The following WWC2 variants were observed in gnomAD, a reference collection of about 807,000 sequenced individuals.
WWC2 encodes the protein WW and C2 domain containing 2, also known as protein WWC2.
A neutral mutation model predicts 138.5 loss-of-function variants in WWC2; 101 were observed. The observed-to-expected ratio is 0.73, with a 90% CI of 0.62 to 0.86. The LOEUF (loss-of-function observed/expected upper bound fraction) is 0.86, where lower values mean the gene tolerates loss of function less well. Ranked by LOEUF, WWC2 falls within the 40% of genes least tolerant of loss-of-function variation. The pLI is 0.00. For missense variants in WWC2, 1,420 were observed against 1,419.4 expected, an observed-to-expected ratio of 1.00 and a Z score of -0.01; for synonymous variants, 558 against 538.4, an observed-to-expected ratio of 1.04 and a Z score of -0.50.
At chr4:183,261,634 C>A in intron 11 of WWC2, 102 bp downstream of exon 11, 1 of 1,330,986 alleles carries the variant, frequency 7.5e-7, no homozygotes, top group Non-Finnish European at 1.0e-6. Flanking sequence ...GATTCCCCTT[C>A]TCTTTCTTTT....
At chr4:183,112,061 G>GATATTTCTC (rs561062318) in intron 1 of WWC2, among the ~76,000 whole-genome samples, 40 of 152,244 alleles carry the variant, frequency 2.6e-4, no homozygotes, top group Non-Finnish European at 3.5e-4. Context: ...CATAGCTAAT[G>GATATTTCTC]ATATTTCTCA....
At chr4:183,168,574 G>A (rs1161791265) in intron 1 of WWC2, among the ~76,000 whole-genome samples, 1 of 152,072 alleles carries the variant, frequency 6.6e-6, no homozygotes, top group Non-Finnish European at 1.5e-5. Flanking sequence ...TTCCTATAGA[G>A]CTTTATTTTG....
chr4:183,154,458 A>C (rs1451359475), intron 1 of WWC2, among the ~76,000 whole-genome samples: 2 of 152,062 alleles, frequency 1.3e-5, no homozygotes, highest in Non-Finnish European at 2.9e-5. Flanking sequence ...TCTCGTGATG[A>C]CCCTCAAGCC....
At chr4:183,148,171 A>T (rs62336601) in intron 1 of WWC2, among the ~76,000 whole-genome samples, 7,115 of 152,292 alleles carry the variant, frequency 0.047, 232 homozygotes, top group Middle Eastern at 0.071. Flanking sequence ...TCATGGACAA[A>T]TACCTGACTT....
intron 4 of WWC2, among the ~76,000 whole-genome samples, chr4:183,233,285 T>C (rs888434784): frequency 3.4e-5 from 5 of 147,944 alleles, no homozygotes; most frequent in African/African-American, 1.2e-4. Context: ...GCCTCCCAAA[T>C]AGCTGGGATT....
chr4:183,149,235 C>G lies in WWC2; in HGVS notation c.132-44364C>G, dbSNP rs1579987890. 2.0e-5 allele frequency among the ~76,000 whole-genome samples: 3 copies of G among 152,302 alleles called. No homozygotes were observed. In the South Asian group the frequency reaches 6.2e-4, roughly 32 times the overall value. On this transcript the variant is annotated intron_variant, in intron 1 of 22. Transcript: ENST00000403733. ...TCCCCTTCTCATAAAAGTAATTATC[C>G]TGACCTTTATGGCAATCATTTCCTT...
chr4:183,117,828 C>T (rs1561422176), intron 1 of WWC2, among the ~76,000 whole-genome samples: 2 of 150,358 alleles, frequency 1.3e-5, no homozygotes, highest in African/African-American at 4.9e-5. Flanking sequence ...CGCTCTGTCG[C>T]CCAGGCTGGA....
At chr4:183,275,606 A>G (rs570118951) in intron 16 of WWC2, among the ~76,000 whole-genome samples, 1 of 152,248 alleles carries the variant, frequency 6.6e-6, no homozygotes, top group African/African-American at 2.4e-5. Context: ...TAATTTATTA[A>G]TTGATTTTCA....
intron 2 of WWC2, among the ~76,000 whole-genome samples, chr4:183,196,683 G>A (rs981395887): frequency 2.0e-5 from 3 of 152,166 alleles, no homozygotes; most frequent in Non-Finnish European, 4.4e-5. Context: ...AGGACCCTGT[G>A]CCTCCTCAGC....
intron 1 of WWC2, among the ~76,000 whole-genome samples, chr4:183,122,143 G>A (rs1430464854): frequency 3.3e-5 from 5 of 152,018 alleles, no homozygotes; most frequent in Non-Finnish European, 7.4e-5. Flanking sequence ...ATTTTTATTG[G>A]AAAGTTGCTA....
rs117630111 is a variant in WWC2 at position 183,120,984 on chromosome 4, A to G, written c.131+21362A>G. Among the ~76,000 whole-genome samples, 128 of 152,280 alleles carry G rather than the reference A, an allele frequency of 8.4e-4. 3 individuals are homozygous for G. The East Asian group carries it at 0.022, about 26-fold the overall frequency. ...ACGCCTTTGATCCCAGCACTTTGGGAGGCCGGCAGATCACTTGAGCCCAGG... is the reference window on the plus strand; with the variant it reads ...ACGCCTTTGATCCCAGCACTTTGGGGGGCCGGCAGATCACTTGAGCCCAGG... On this transcript the variant is annotated intron_variant, in intron 1 of 22. Coordinates refer to ENST00000403733, the MANE Select transcript of WWC2 (RefSeq NM_024949.6).
rs143013119 is a variant in WWC2, at chr4:183,317,375, A to G, written c.*1646A>G. ...CTTACATACAAATTTCTTTGAAGAC[A>G]TAACTGGACATGGCAGACACTGCTT... On this transcript the variant is annotated 3_prime_UTR_variant, in exon 23 of 23. Transcript: ENST00000403733. 2.0e-5 allele frequency: 3 copies of G among 152,738 alleles called. No individual in the cohort carries two copies. Among genetic ancestry groups the G allele is most frequent in the African/African-American group, 7.2e-5 (3 of 41,586 alleles). The allele number at this position is 152,738 out of a possible 1,614,324, so 9.5% of individuals were successfully genotyped here.
chr4:183,110,282 C>T lies in WWC2; in HGVS notation c.131+10660C>T, dbSNP rs1732192093. ...ACTGTTGGAAGTATATAGTATTATGCTTTGGTAGTTAGAAATACTGACTTT... is the reference window on the plus strand; with the variant it reads ...ACTGTTGGAAGTATATAGTATTATGTTTTGGTAGTTAGAAATACTGACTTT... On this transcript the variant is annotated intron_variant, in intron 1 of 22. Coordinates refer to ENST00000403733, the MANE Select transcript of WWC2 (RefSeq NM_024949.6). 2.0e-5 allele frequency among the ~76,000 whole-genome samples: 3 copies of T among 152,090 alleles called. No homozygotes were observed. The South Asian group carries it at 6.2e-4, about 32-fold the overall frequency.
intron 1 of WWC2, among the ~76,000 whole-genome samples, chr4:183,188,045 C>CA (rs1301092282): frequency 6.6e-6 from 1 of 152,064 alleles, no homozygotes; most frequent in Non-Finnish European, 1.5e-5. Flanking sequence ...TAGTATGTCA[C>CA]AAAATGATTT....
intron 4 of WWC2, among the ~76,000 whole-genome samples, chr4:183,218,068 A>G (rs1735806731): frequency 6.6e-6 from 1 of 152,202 alleles, no homozygotes; most frequent in African/African-American, 2.4e-5. Context: ...CATCAGAAAT[A>G]ATACAAACTA....
rs570932543 is a variant in WWC2 at position 183,117,782 on chromosome 4, T to C, written c.131+18160T>C. ...ACCATGCCCAGCCCGCAGACCTTGATTGGGGATCTTTTTTTTTTTTTTTGA... is the reference window on the plus strand; with the variant it reads ...ACCATGCCCAGCCCGCAGACCTTGACTGGGGATCTTTTTTTTTTTTTTTGA... On this transcript the variant is annotated intron_variant, in intron 1 of 22. Coordinates refer to ENST00000403733, the MANE Select transcript of WWC2 (RefSeq NM_024949.6). Among the ~76,000 whole-genome samples, 4 of 151,342 alleles carry C rather than the reference T, an allele frequency of 2.6e-5. No individual in the cohort carries two copies. The East Asian group carries it at 7.8e-4, about 30-fold the overall frequency.
At chr4:183,140,882 C>T (rs1733281159) in intron 1 of WWC2, among the ~76,000 whole-genome samples, 1 of 147,052 alleles carries the variant, frequency 6.8e-6, no homozygotes. Flanking sequence ...CTGATTTCCA[C>T]CAATCTGCTT....
rs1737443010 is a variant in WWC2 at position 183,264,883 on chromosome 4, T to C, written c.1910-95T>C. The C allele has an allele frequency of 3.2e-6, 4 of 1,264,912 alleles. No individual in the cohort carries two copies. In the South Asian group the frequency reaches 7.2e-5, roughly 23 times the overall value. The allele number at this position is 1,264,912 out of a possible 1,614,324, so 78.4% of individuals were successfully genotyped here. A position where few individuals can be genotyped will look rare whatever the true frequency, so the allele number is the denominator to read the frequency against. ...CCTTGACTCCCAGAAGGAAATCTTA[T>C]TTTGGATTGCTCATGACCAAACTAT... On this transcript the variant is annotated intron_variant, in intron 11 of 22. Transcript: ENST00000403733.
In WWC2 at chr4:183,235,542, A is replaced by G. The variant is rs150869099; in HGVS notation, c.523-4641A>G. On this transcript the variant is annotated intron_variant, in intron 4 of 22. Coordinates refer to ENST00000403733, the MANE Select transcript of WWC2 (RefSeq NM_024949.6). ...ACCTGGCAACCACCATTTTGCTTCT[A>G]TGAGCCTATTTTAGATACTTTATAT... Among the ~76,000 whole-genome samples, 529 of 152,284 alleles carry G rather than the reference A, an allele frequency of 3.5e-3. 1 individual carries two copies. Among genetic ancestry groups the G allele is most frequent in the Admixed American group, 4.7e-3 (72 of 15,288 alleles).
Sources: gnomAD v4.1 joint callset for allele counts (sites outside exome capture counted in the v4.1 genomes callset) on GRCh38, gnomAD v4.1.1 for gene constraint, MANE v1.5 for transcripts, NCBI Gene and HGNC (gene_info 2026-07-23, HGNC 2026-07-21) for gene names.